Variants in TMC1 observed in about 807,000 individuals in gnomAD.
The protein encoded by TMC1 is transmembrane channel like 1, also known as transmembrane channel-like protein 1.
In TMC1, 84 loss-of-function variants were observed where a neutral mutation model predicts 105.8. The observed-to-expected ratio is 0.79, with a 90% confidence interval of 0.67 to 0.95. The LOEUF is 0.95. Ranked by LOEUF, TMC1 falls within the 40% of genes least tolerant of loss-of-function variation. The probability of loss-of-function intolerance (pLI) is 0.00; values close to 1 mark genes in which losing one functional copy is unlikely to be tolerated. For synonymous variants in TMC1, 315 were observed against 311.5 expected, an observed-to-expected ratio of 1.01 and a Z score of -0.12; for missense variants, 817 against 914.1, an observed-to-expected ratio of 0.89 and a Z score of 1.37.
chr9:72,773,198 A>G (rs956746962), intron 13 of TMC1, among the ~76,000 whole-genome samples: 1 of 152,172 alleles, frequency 6.6e-6, no homozygotes, highest in African/African-American at 2.4e-5. Flanking sequence ...GCAGAAGCCT[A>G]GCAGAGTTAT....
At chr9:72,593,299 G>A (rs1269309511) in intron 2 of TMC1, among the ~76,000 whole-genome samples, 1 of 152,206 alleles carries the variant, frequency 6.6e-6, no homozygotes, top group East Asian at 1.9e-4. Flanking sequence ...AGCCCTTTGG[G>A]AGGCCATGGT....
intron 3 of TMC1, among the ~76,000 whole-genome samples, chr9:72,618,022 CTTTTTTTTTTTT>C (rs34497983): frequency 2.5e-5 from 2 of 79,202 alleles, no homozygotes; most frequent in African/African-American, 1.0e-4. Context: ...CTGGGTACAT[CTTTTTTTTTTTT>C]TTTTTTTTTT....
intron 4 of TMC1, among the ~76,000 whole-genome samples, chr9:72,642,676 AG>A (rs1825647935): frequency 6.6e-6 from 1 of 152,246 alleles, no homozygotes; most frequent in African/African-American, 2.4e-5. Flanking sequence ...GACTCAATAT[AG>A]GCAGAGAAAA....
chr9:72,644,631 G>A (rs1045326505), intron 4 of TMC1, among the ~76,000 whole-genome samples: 9 of 152,106 alleles, frequency 5.9e-5, no homozygotes, highest in Non-Finnish European at 1.3e-4. Context: ...TGATGCCAAT[G>A]CTACACTGTC....
intron 4 of TMC1, among the ~76,000 whole-genome samples, chr9:72,637,095 G>A (rs1023632504): frequency 8.6e-5 from 13 of 151,464 alleles, no homozygotes; most frequent in Non-Finnish European, 1.9e-4. Flanking sequence ...TGGAGGAGAC[G>A]GGCAAAAATG....
chr9:72,811,770 G>A (rs1177752795), intron 18 of TMC1, among the ~76,000 whole-genome samples: 8 of 152,052 alleles, frequency 5.3e-5, no homozygotes, highest in Non-Finnish European at 1.0e-4. Flanking sequence ...GGATGCTCAG[G>A]ATTATCCATA....
At chr9:72,530,267 C>G (rs1323962821) in intron 1 of TMC1, among the ~76,000 whole-genome samples, 1 of 152,108 alleles carries the variant, frequency 6.6e-6, no homozygotes, top group Non-Finnish European at 1.5e-5. Flanking sequence ...CAACCTGTCT[C>G]CCTGGTTCAA....
intron 7 of TMC1, among the ~76,000 whole-genome samples, chr9:72,700,206 G>A (rs536279435): frequency 3.4e-5 from 5 of 149,138 alleles, no homozygotes; most frequent in East Asian, 2.0e-4. Flanking sequence ...AGCCAAGATC[G>A]CACCATTGCA....
intron 1 of TMC1, among the ~76,000 whole-genome samples, chr9:72,530,932 T>C (rs1010367902): frequency 2.0e-5 from 3 of 151,508 alleles, no homozygotes; most frequent in Admixed American, 6.6e-5. Context: ...ATCATTCTCC[T>C]GCCTCAGCCT....
intron 12 of TMC1, among the ~76,000 whole-genome samples, chr9:72,757,658 A>G (rs2118077402): frequency 6.6e-6 from 1 of 152,318 alleles, no homozygotes; most frequent in Admixed American, 6.5e-5. Context: ...TTGTTCATGA[A>G]ACAAAGATTT....
At chr9:72,673,385 A>C (rs866184948) in intron 5 of TMC1, among the ~76,000 whole-genome samples, 2 of 152,056 alleles carry the variant, frequency 1.3e-5, no homozygotes, top group South Asian at 2.1e-4. Flanking sequence ...ACAGAAAAAC[A>C]AAACAAAACA....
At chr9:72,615,538 C>T (rs1005845436) in intron 2 of TMC1, among the ~76,000 whole-genome samples, 9 of 152,200 alleles carry the variant, frequency 5.9e-5, no homozygotes, top group Non-Finnish European at 1.2e-4. Flanking sequence ...AGGGAAATCA[C>T]ATAACTGCTT....
intron 10 of TMC1, among the ~76,000 whole-genome samples, chr9:72,742,974 G>T (rs955166114): frequency 6.6e-6 from 1 of 152,168 alleles, no homozygotes; most frequent in African/African-American, 2.4e-5. Context: ...AGTGGTTCAC[G>T]CCTGTAATCC....
intron 2 of TMC1, among the ~76,000 whole-genome samples, chr9:72,596,189 G>A (rs2132109011): frequency 6.6e-6 from 1 of 152,242 alleles, no homozygotes; most frequent in East Asian, 1.9e-4. Flanking sequence ...CTCAACTCTA[G>A]TAGCTTAAGA....
In TMC1 at chr9:72,536,293, A is replaced by T. The variant is rs548549828; in HGVS notation, c.-428+14380A>T. Among the ~76,000 whole-genome samples, 188 of 152,316 alleles carry T rather than the reference A, an allele frequency of 1.2e-3. 1 individual carries two copies. Among genetic ancestry groups the T allele is most frequent in the African/African-American group, 4.4e-3 (181 of 41,568 alleles). ...CCTAAGGGAGAAACTGGCCAAAAGAAAGTGGTAACAGGTCCCATCCAAGTC... is the reference window on the plus strand; with the variant it reads ...CCTAAGGGAGAAACTGGCCAAAAGATAGTGGTAACAGGTCCCATCCAAGTC... On this transcript the variant is annotated intron_variant, in intron 1 of 23. Transcript: ENST00000297784.
At chr9:72,832,956 C>CT (rs2118339516) in intron 23 of TMC1, among the ~76,000 whole-genome samples, 1 of 152,206 alleles carries the variant, frequency 6.6e-6, no homozygotes, top group South Asian at 2.1e-4. Context: ...AAGACAAACA[C>CT]TTTCAATTTG....
intron 5 of TMC1, among the ~76,000 whole-genome samples, chr9:72,652,618 G>T (rs1489172074): frequency 6.6e-6 from 1 of 152,150 alleles, no homozygotes; most frequent in Admixed American, 6.5e-5. Flanking sequence ...CCAACCCGGG[G>T]AACGTCTGTA....
At chr9:72,747,706 C>T (rs900346098) in intron 10 of TMC1, among the ~76,000 whole-genome samples, 1 of 152,280 alleles carries the variant, frequency 6.6e-6, no homozygotes, top group East Asian at 1.9e-4. Flanking sequence ...AGTGATTCTC[C>T]TGACTCAGCC....
chr9:72,562,516 T>C (rs1268154721), intron 1 of TMC1, among the ~76,000 whole-genome samples: 2 of 152,212 alleles, frequency 1.3e-5, no homozygotes, highest in Non-Finnish European at 1.5e-5. Flanking sequence ...ATAATTCATG[T>C]TTATTATCAC....
Sources: allele counts gnomAD v4.1 joint callset (sites outside exome capture counted in the v4.1 genomes callset), GRCh38; gene constraint gnomAD v4.1.1; transcripts MANE v1.5; gene names NCBI Gene and HGNC (gene_info 2026-07-23, HGNC 2026-07-21).